LTN1: variants seen among roughly 807,000 people sequenced by gnomAD.
LTN1 encodes the protein listerin E3 ubiquitin protein ligase 1.
Under a neutral mutation model 201.2 loss-of-function variants are expected in LTN1, and 88 were observed. The observed-to-expected ratio is 0.44, with a 90% CI of 0.37 to 0.52. The LOEUF (loss-of-function observed/expected upper bound fraction) is 0.52, where lower values mean the gene tolerates loss of function less well. Ranked by LOEUF, LTN1 falls within the 20% of genes least tolerant of loss-of-function variation. The pLI is 0.00. For missense variants in LTN1, 1,752 were observed against 2,038.7 expected, an observed-to-expected ratio of 0.86 and a Z score of 2.71; for synonymous variants, 645 against 713.5, an observed-to-expected ratio of 0.90 and a Z score of 1.53.
chr21:28,978,830 A>G (rs1160212344), intron 6 of LTN1, among the ~76,000 whole-genome samples: 1 of 152,236 alleles, frequency 6.6e-6, no homozygotes, highest in African/African-American at 2.4e-5. Context: ...AAAAATGAAC[A>G]AGAAACACAA....
rs10608923 is a variant in LTN1 at position 28,931,066 on chromosome 21, G to GGTGTGTGTGTGTGT, written c.5238+75_5238+88dup. 4.3e-5 allele frequency: 25 copies of GGTGTGTGTGTGTGT among 578,648 alleles called. No individual in the cohort carries two copies. In the South Asian group the frequency reaches 5.2e-4, roughly 12 times the overall value. The allele number at this position is 578,648 out of a possible 1,614,324, so 35.8% of individuals were successfully genotyped here. On this transcript the variant is annotated intron_variant, in intron 29 of 29. Coordinates refer to ENST00000361371, the MANE Select transcript of LTN1 (RefSeq NM_015565.3). Reference sequence around the variant, plus strand: ...CTCTTCCGAAGTTAGACATTGTGTAGGTGTGTGTGTGTGTGTGTGTGTGTG... The same window carrying GGTGTGTGTGTGTGT: ...CTCTTCCGAAGTTAGACATTGTGTAGGTGTGTGTGTGTGTGTGTGTGTGTGTGTGTGTGTGTGTG...
rs555249479 is a variant in LTN1 at position 28,965,570 on chromosome 21, T to C, written c.2163+295A>G. ...TAACAGCAGAAAGTTGTAGCTTTAA[T>C]TAAAAGATAATAAAATGTTTAAATC... On this transcript the variant is annotated intron_variant, in intron 11 of 29. Transcript: ENST00000361371. 2.0e-5 allele frequency among the ~76,000 whole-genome samples: 3 copies of C among 152,250 alleles called. No individual in the cohort carries two copies. The South Asian group carries it at 6.2e-4, about 32-fold the overall frequency.
intron 6 of LTN1, among the ~76,000 whole-genome samples, chr21:28,978,986 A>C (rs1479584577): frequency 2.0e-5 from 3 of 152,240 alleles, no homozygotes; most frequent in Non-Finnish European, 4.4e-5. Context: ...CTAGAATACA[A>C]GGTTATGTAG....
rs1292639481 is a variant in LTN1, at chr21:28,958,475, A to G, written c.2658T>C (p.Thr886=). The G allele has an allele frequency of 6.2e-7, 1 of 1,612,252 alleles. No homozygotes were observed. Among genetic ancestry groups the G allele is most frequent in the Admixed American group, 1.7e-5 (1 of 59,724 alleles). The change falls in exon 14 of 30, where the codon ACT becomes ACC. Residue 886 remains threonine, a synonymous_variant. Coordinates refer to ENST00000361371, the MANE Select transcript of LTN1 (RefSeq NM_015565.3). ...AGGTACTCTCTTTATATGAACTGTC[A>G]GTTTGATGAACCAATAAATTTACAC... ...LSGVNLLVHQ[T]DSSYKESTFL... is the part of the protein sequence containing the mutation.
At chr21:28,973,088 C>T (rs1055182107) in intron 6 of LTN1, among the ~76,000 whole-genome samples, 1 of 152,206 alleles carries the variant, frequency 6.6e-6, no homozygotes, top group East Asian at 1.9e-4. Context: ...TGGCTCACAT[C>T]TGTAATCCCA....
At chr21:28,967,238 G>T in intron 9 of LTN1, 59 bp from the exon 10 acceptor site, 1 of 1,180,496 alleles carries the variant, frequency 8.5e-7, no homozygotes, top group Non-Finnish European at 1.2e-6. Flanking sequence ...CCCATCTCCT[G>T]GCACACAACT....
chr21:28,931,723 C>T (rs947452172), intron 28 of LTN1, among the ~76,000 whole-genome samples: 8 of 152,126 alleles, frequency 5.3e-5, no homozygotes, highest in Admixed American at 2.0e-4. Context: ...TTTTCTTGGC[C>T]GGGAGCGGTA....
intron 21 of LTN1, among the ~76,000 whole-genome samples, chr21:28,944,836 C>A (rs2084325104): frequency 6.6e-6 from 1 of 152,144 alleles, no homozygotes; most frequent in Non-Finnish European, 1.5e-5. Flanking sequence ...TTTTTAATTT[C>A]TAACCCATGG....
intron 9 of LTN1, chr21:28,968,025 A>C (rs2084541110): frequency 6.6e-6 from 1 of 152,222 alleles, no homozygotes; most frequent in Non-Finnish European, 1.5e-5. Context: ...CAGAAGGTAA[A>C]AAATTGAAAA....
rs74484525 is a variant in LTN1, at chr21:28,972,687, A to T, written c.811-1243T>A. Among the ~76,000 whole-genome samples the T allele has an allele frequency of 7.7e-3, 1,173 of 152,312 alleles. 9 individuals carry two copies. Among genetic ancestry groups the T allele is most frequent in the African/African-American group, 0.026 (1,078 of 41,582 alleles). ...AAAACGTAACAGACATAGGGGATAA[A>T]GTGAGGCTTAATATCTATTTAATCA... On this transcript the variant is annotated intron_variant, in intron 6 of 29. Transcript: ENST00000361371.
At position 28,973,346 on chromosome 21, in the gene LTN1, CAAAAAAAAAAAA is replaced by C. The variant is rs771261669; in HGVS notation, c.811-1914_811-1903del. Among the ~76,000 whole-genome samples the C allele has an allele frequency of 6.5e-5, 4 of 61,774 alleles. 1 individual carries two copies. Among genetic ancestry groups the C allele is most frequent in the East Asian group, 4.7e-4 (1 of 2,140 alleles). 40.5% of individuals were successfully genotyped at this position (61,774 alleles called of 152,430 possible). ...TGGGTGACAAAGCAAGAATCCGTCC[CAAAAAAAAAAAA>C]AAAAAAAAAAGAATGAGGGCAAAAT... is the stretch of plus-strand genomic sequence containing the variant. On this transcript the variant is annotated intron_variant, in intron 6 of 29. Coordinates refer to ENST00000361371, the MANE Select transcript of LTN1 (RefSeq NM_015565.3).
At chr21:28,976,599 CAAA>C (rs11315471) in intron 6 of LTN1, among the ~76,000 whole-genome samples, 3 of 71,556 alleles carry the variant, frequency 4.2e-5, no homozygotes, top group Admixed American at 1.6e-4. Flanking sequence ...GATTCTGTCT[CAAA>C]AAAAAAAAAA....
rs1407057557 is a variant in LTN1 at position 28,992,283 on chromosome 21, G to A, written c.42+481C>T. Among the ~76,000 whole-genome samples, 4 of 152,116 alleles carry A rather than the reference G, an allele frequency of 2.6e-5. No individual in the cohort carries two copies. In the East Asian group the frequency reaches 7.7e-4, roughly 29 times the overall value. ...GGGAGCTGAAGATGGGACTGCAGAT[G>A]GAAAGGGGTAACAGGCAGTCCAGAA... On this transcript the variant is annotated intron_variant, in intron 1 of 29. Coordinates refer to ENST00000361371, the MANE Select transcript of LTN1 (RefSeq NM_015565.3).
intron 18 of LTN1, among the ~76,000 whole-genome samples, chr21:28,949,313 G>A (rs369260055): frequency 2.6e-5 from 4 of 151,772 alleles, no homozygotes; most frequent in African/African-American, 9.7e-5. Context: ...ATATTTTGTC[G>A]CAGTTTTCAT....
In LTN1 at chr21:28,935,131, G is replaced by T; in HGVS notation, c.4853C>A (p.Thr1618Lys). 2 of 1,609,890 alleles carry T rather than the reference G, an allele frequency of 1.2e-6. No individual in the cohort carries two copies. The highest frequency in any genetic ancestry group is 2.2e-5 in the South Asian group (2 of 90,996). Residue 1618 changes from threonine to lysine, a missense_variant, in exon 27 of 30, where the codon ACA (threonine) becomes AAA (lysine). By Grantham distance (78) the Thr-to-Lys change is moderately conservative. Transcript: ENST00000361371. ...AACCGTCATGCCATTAAATAGTTGTGTACTTGTTTGTACAGAAGATATTTC... is the reference window on the plus strand; with the variant it reads ...AACCGTCATGCCATTAAATAGTTGTTTACTTGTTTGTACAGAAGATATTTC... ...FQEISSVQTS[T>K]QLFNGMTVKA... is the part of the protein sequence containing the mutation.
At chr21:28,963,017 A>G (rs1018819662) in intron 11 of LTN1, among the ~76,000 whole-genome samples, 6 of 152,250 alleles carry the variant, frequency 3.9e-5, no homozygotes, top group African/African-American at 1.4e-4. Flanking sequence ...AAGCTGCACA[A>G]GAAAAGACTG....
chr21:28,958,469 A>G lies in LTN1; in HGVS notation c.2664T>C (p.Ser888=). Residue 888 remains serine, a synonymous_variant, in exon 14 of 30, where the codon AGT becomes AGC. Coordinates refer to ENST00000361371, the MANE Select transcript of LTN1 (RefSeq NM_015565.3). ...GTAGGAAGGTACTCTCTTTATATGA[A>G]CTGTCAGTTTGATGAACCAATAAAT... ...GVNLLVHQTD[S]SYKESTFLHL... is the part of the protein sequence containing the mutation. The G allele has an allele frequency of 6.2e-7, 1 of 1,612,174 alleles. No individual in the cohort carries two copies. Among genetic ancestry groups the G allele is most frequent in the Non-Finnish European group, 8.5e-7 (1 of 1,179,074 alleles).
rs538194930 is a variant in LTN1, at chr21:28,955,795, C to T, written c.3079+967G>A. 2.1e-3 allele frequency among the ~76,000 whole-genome samples: 312 copies of T among 151,772 alleles called. 3 individuals are homozygous for T. The highest frequency in any genetic ancestry group is 7.1e-3 in the African/African-American group (293 of 41,388). On this transcript the variant is annotated intron_variant, in intron 16 of 29. Coordinates refer to ENST00000361371, the MANE Select transcript of LTN1 (RefSeq NM_015565.3). ...AAAATTAGCTGGGCATGGTGGTGTG[C>T]GCCTGTAGTCCCATCTACTTGGGAG...
intron 1 of LTN1, among the ~76,000 whole-genome samples, chr21:28,989,823 TAGCCA>T (rs1255860451): frequency 6.6e-6 from 1 of 152,038 alleles, no homozygotes; most frequent in Non-Finnish European, 1.5e-5. Flanking sequence ...GAGACCAGCC[TAGCCA>T]ACATGGCAAA....
Sources: gnomAD v4.1 joint callset for allele counts (sites outside exome capture counted in the v4.1 genomes callset) on GRCh38, gnomAD v4.1.1 for gene constraint, MANE v1.5 for transcripts, NCBI Gene and HGNC (gene_info 2026-07-23, HGNC 2026-07-21) for gene names.